MAPKBP1: variants seen among roughly 807,000 people sequenced by gnomAD.
MAPKBP1 encodes the protein mitogen-activated protein kinase-binding protein 1.
MAPKBP1 carries 71 observed loss-of-function variants against 170.5 expected under a neutral mutation model. The observed-to-expected ratio is 0.42, with a 90% CI of 0.34 to 0.51. MAPKBP1 has a LOEUF of 0.51. MAPKBP1 is among the 20% of genes least tolerant of loss of function. The pLI, the probability that MAPKBP1 is intolerant of heterozygous loss-of-function variation, is 0.06. For synonymous variants in MAPKBP1, 719 were observed against 757.9 expected, an observed-to-expected ratio of 0.95 and a Z score of 0.84; for missense variants, 1,598 against 1,933.0, an observed-to-expected ratio of 0.83 and a Z score of 3.25.
rs1274202178 is a variant in MAPKBP1, at chr15:41,819,172, C to T, written c.2292-74C>T. 11 of 1,566,654 alleles carry T rather than the reference C, an allele frequency of 7.0e-6. No homozygotes were observed. The South Asian group carries it at 9.2e-5, about 13-fold the overall frequency. On this transcript the variant is annotated intron_variant, in intron 20 of 30. Transcript: ENST00000457542. ...CTTCCCCTCATTGAGTCTCCTCTTC[C>T]TTCTTCCCCCACTGAGCCTCCTCTC...
At chr15:41,800,245 A>G (rs1387561832) in intron 3 of MAPKBP1, among the ~76,000 whole-genome samples, 1 of 152,228 alleles carries the variant, frequency 6.6e-6, no homozygotes, top group Non-Finnish European at 1.5e-5. Context: ...CACATACCAT[A>G]TAACTCACTA....
At chr15:41,808,551 T>C (rs540575625) in intron 3 of MAPKBP1, among the ~76,000 whole-genome samples, 3 of 143,978 alleles carry the variant, frequency 2.1e-5, no homozygotes, top group East Asian at 4.3e-4. Context: ...TCTCAACTCA[T>C]TGCAACCTTC....
At chr15:41,815,944 A>C (rs2064883469) in intron 12 of MAPKBP1, 145 bp downstream of exon 12, 5 of 791,816 alleles carry the variant, frequency 6.3e-6, no homozygotes, top group Non-Finnish European at 9.8e-6. Context: ...CAATGAGTAA[A>C]CCTAGCAGAA....
intron 2 of MAPKBP1, among the ~76,000 whole-genome samples, chr15:41,795,994 G>C (rs1054644064): frequency 6.6e-6 from 1 of 152,360 alleles, no homozygotes; most frequent in Admixed American, 6.5e-5. Context: ...GGGAGAGCAT[G>C]TGGGTGTTAC....
At chr15:41,810,709 T>G (rs1461210970) in intron 3 of MAPKBP1, 174 bp from the exon 4 acceptor site, 3 of 539,176 alleles carry the variant, frequency 5.6e-6, no homozygotes, top group South Asian at 2.2e-5. Flanking sequence ...CAGAGTAAGA[T>G]CCTGTCTCAA....
Position 41,825,450 on chromosome 15 carries a change from G to T in MAPKBP1, c.*14G>T. On this transcript the variant is annotated 3_prime_UTR_variant, in exon 31 of 31. Transcript: ENST00000457542. ...CGCAAACTCTGAGTTCTGGAAGCCT[G>T]TCCCAAGTGAATGAATGCTCCAGCG... The T allele has an allele frequency of 6.3e-7, 1 of 1,583,442 alleles. No homozygotes were observed. The highest frequency in any genetic ancestry group is 8.6e-7 in the Non-Finnish European group (1 of 1,158,892).
chr15:41,781,515 C>A (rs2064188206), intron 2 of MAPKBP1, among the ~76,000 whole-genome samples: 2 of 151,512 alleles, frequency 1.3e-5, no homozygotes, highest in Non-Finnish European at 2.9e-5. Flanking sequence ...TGGTGGTGCA[C>A]ACCTATAGCC....
chr15:41,787,338 C>A (rs1304154906), intron 2 of MAPKBP1, among the ~76,000 whole-genome samples: 2 of 148,058 alleles, frequency 1.4e-5, no homozygotes, highest in Admixed American at 6.8e-5. Flanking sequence ...TCTTTTTGAT[C>A]AACATAGTCG....
chr15:41,818,755 A>T lies in MAPKBP1; in HGVS notation c.2157-68A>T. 1 of 1,594,752 alleles carries T rather than the reference A, an allele frequency of 6.3e-7. No homozygotes were observed. Reference sequence around the variant, plus strand: ...TCTGGTCTCCTTGCCATCCATGGATAAGGGGAACGAATGGCGCTAGCCATT... The same window carrying T: ...TCTGGTCTCCTTGCCATCCATGGATTAGGGGAACGAATGGCGCTAGCCATT... On this transcript the variant is annotated intron_variant, in intron 19 of 30. Transcript: ENST00000457542. This position sits in a 1 kb window ranked among gnomAD's most constrained non-coding sequence, Gnocchi z 5.2.
intron 12 of MAPKBP1, 45 bp downstream of exon 12, chr15:41,815,844 A>C (rs899084971): frequency 6.4e-7 from 1 of 1,569,686 alleles, no homozygotes; most frequent in Non-Finnish European, 8.7e-7. Flanking sequence ...CTCATGGTGC[A>C]GAGTTGGGTA....
chr15:41,806,658 G>A (rs537391673), intron 3 of MAPKBP1, among the ~76,000 whole-genome samples: 3 of 152,294 alleles, frequency 2.0e-5, no homozygotes, highest in South Asian at 2.1e-4. Context: ...GTGAGCAGCC[G>A]CCCTGCACCC....
chr15:41,822,487 G>C, intron 26 of MAPKBP1, 65 bp downstream of exon 26: 1 of 1,601,166 alleles, frequency 6.2e-7, no homozygotes, highest in Non-Finnish European at 8.5e-7. Flanking sequence ...GCCTACCTGA[G>C]AGGAGGGTCC....
At position 41,786,722 on chromosome 15, in the gene MAPKBP1, G is replaced by A. The variant is rs545496266; in HGVS notation, c.114+11333G>A. ...AGAGCTTGCAGTGAGCCAAGATTGCGCCACTGCACTCCAGCATGGGCGACA... is the reference window on the plus strand; with the variant it reads ...AGAGCTTGCAGTGAGCCAAGATTGCACCACTGCACTCCAGCATGGGCGACA... On this transcript the variant is annotated intron_variant, in intron 2 of 30. Coordinates refer to ENST00000457542, the MANE Select transcript of MAPKBP1 (RefSeq NM_014994.3). Among the ~76,000 whole-genome samples the A allele has an allele frequency of 2.1e-3, 273 of 128,472 alleles. 2 individuals are homozygous for A. Among genetic ancestry groups the A allele is most frequent in the African/African-American group, 7.6e-3 (251 of 32,876 alleles). The allele number at this position is 128,472 out of a possible 152,430, so 84.3% of individuals were successfully genotyped here.
intron 21 of MAPKBP1, 94 bp downstream of exon 21, chr15:41,819,473 G>A (rs1460096351): frequency 3.0e-5 from 47 of 1,591,346 alleles, no homozygotes; most frequent in Non-Finnish European, 4.0e-5. Context: ...AGCAGTGTGA[G>A]CTGAGGAAAC....
intron 29 of MAPKBP1, 132 bp from the exon 30 acceptor site, chr15:41,824,352 A>G: frequency 1.2e-6 from 1 of 869,102 alleles, no homozygotes; most frequent in South Asian, 1.7e-5. Context: ...AGAGAAGCCA[A>G]GAGGAAGGGA....
In MAPKBP1 at chr15:41,822,105, C is replaced by G; in HGVS notation, c.3026C>G (p.Thr1009Ser). 1 of 1,574,314 alleles carries G rather than the reference C, an allele frequency of 6.4e-7. No individual in the cohort carries two copies. Among genetic ancestry groups the G allele is most frequent in the Non-Finnish European group, 8.6e-7 (1 of 1,157,434 alleles). ...TGCCTTTCCAGCCCGGAGCACCCCA[C>G]TGAAGGTGAGGCTGTAGCCTGGAGG... ...SSCLSSPEHPTEDSESTEPLS... is the reference protein window; with the variant it reads ...SSCLSSPEHPSEDSESTEPLS... The change falls in exon 25 of 31, where the codon ACT (threonine) becomes AGT (serine). Residue 1009 changes from threonine (T) to serine (S), a missense_variant. Coordinates refer to ENST00000457542, the MANE Select transcript of MAPKBP1 (RefSeq NM_014994.3).
rs989688879 is a variant in MAPKBP1 at position 41,826,942 on chromosome 15, C to T, written c.*1506C>T. On this transcript the variant is annotated 3_prime_UTR_variant, in exon 31 of 31. Coordinates refer to ENST00000457542, the MANE Select transcript of MAPKBP1 (RefSeq NM_014994.3). ...GTAAGTCAGAGCAGCTTTACCACAGCTTCAGGCCACGAGAGCCCCTTCACC... is the reference window on the plus strand; with the variant it reads ...GTAAGTCAGAGCAGCTTTACCACAGTTTCAGGCCACGAGAGCCCCTTCACC... 1.3e-5 allele frequency: 2 copies of T among 152,214 alleles called. No homozygotes were observed. The highest frequency in any genetic ancestry group is 2.9e-5 in the Non-Finnish European group (2 of 68,094). The allele number at this position is 152,214 out of a possible 1,614,324, so 9.4% of individuals were successfully genotyped here.
chr15:41,777,289 T>A (rs936462880), intron 2 of MAPKBP1, among the ~76,000 whole-genome samples: 6 of 148,496 alleles, frequency 4.0e-5, no homozygotes, highest in Admixed American at 2.0e-4. Flanking sequence ...TGCAGTGAGC[T>A]CAGATCCTGC....
rs781610377 is a variant in MAPKBP1 at position 41,813,740 on chromosome 15, C to A, written c.939C>A (p.Pro313=). ...NLHFLSTLPR[P]HALGTDIASV... ...ACTTCCTTAGCACCTTGCCCCGACC[C>A]CATGCTCTGGGGACAGACATTGCTA... Residue 313 remains proline (P), a synonymous_variant, in exon 9 of 31, where the codon CCC becomes CCA. Transcript: ENST00000457542. The A allele has an allele frequency of 1.2e-6, 2 of 1,611,684 alleles. No homozygotes were observed. The highest frequency in any genetic ancestry group is 1.7e-6 in the Non-Finnish European group (2 of 1,178,978).
Sources: gnomAD v4.1 joint callset for allele counts (sites outside exome capture counted in the v4.1 genomes callset) on GRCh38, gnomAD v4.1.1 for gene constraint, Gnocchi (gnomAD v3.1) non-coding constraint, MANE v1.5 for transcripts, NCBI Gene and HGNC (gene_info 2026-07-23, HGNC 2026-07-21) for gene names.